Variants in RHOBTB1 observed in about 807,000 individuals in gnomAD.
RHOBTB1 encodes the protein rho-related BTB domain-containing protein 1.
Under a neutral mutation model 71.6 loss-of-function variants are expected in RHOBTB1, and 40 were observed. The ratio of observed to expected loss-of-function variants is 0.56; its 90% CI spans 0.43 to 0.73. The LOEUF is 0.73. Ranked by LOEUF, RHOBTB1 falls within the 30% of genes least tolerant of loss-of-function variation. RHOBTB1 has a pLI of 0.00. For missense variants in RHOBTB1, 797 were observed against 894.0 expected (o/e 0.89, Z 1.38); for synonymous variants, 319 against 334.9 (o/e 0.95, Z 0.52).
At chr10:60,919,672 A>C (rs1284708909) in intron 2 of RHOBTB1, among the ~76,000 whole-genome samples, 1 of 152,236 alleles carries the variant, frequency 6.6e-6, no homozygotes, top group Non-Finnish European at 1.5e-5. Context: ...AAGTAACAGA[A>C]AGGATGCTGC....
intron 4 of RHOBTB1, among the ~76,000 whole-genome samples, chr10:60,906,227 C>T (rs927538802): frequency 1.3e-5 from 2 of 152,140 alleles, no homozygotes; most frequent in African/African-American, 4.8e-5. Flanking sequence ...GCCAAGATTC[C>T]CATTCACTCT....
intron 1 of RHOBTB1, among the ~76,000 whole-genome samples, chr10:60,996,799 G>A (rs907543935): frequency 1.3e-5 from 2 of 152,054 alleles, no homozygotes; most frequent in Non-Finnish European, 2.9e-5. Flanking sequence ...AACATGATTT[G>A]TTGTGTATTT....
chr10:60,993,389 C>T (rs911648308), intron 1 of RHOBTB1, among the ~76,000 whole-genome samples: 127 of 152,166 alleles, frequency 8.3e-4, no homozygotes, highest in African/African-American at 2.7e-3. Flanking sequence ...TTCCTTATTA[C>T]AATACTCAAG....
chr10:60,983,329 A>C (rs910118476), intron 2 of RHOBTB1, among the ~76,000 whole-genome samples: 49 of 152,326 alleles, frequency 3.2e-4, no homozygotes, highest in African/African-American at 1.1e-3. Flanking sequence ...ATGAATAAAT[A>C]ACAATTAACT....
chr10:60,945,573 C>T (rs1176692909), upstream of RHOBTB1, among the ~76,000 whole-genome samples: 1 of 152,184 alleles, frequency 6.6e-6, no homozygotes. Context: ...AGCCAAGATT[C>T]CCAGGTGACT....
At chr10:60,923,782 AT>A (rs1366402174) in intron 2 of RHOBTB1, among the ~76,000 whole-genome samples, 2 of 152,142 alleles carry the variant, frequency 1.3e-5, no homozygotes, top group African/African-American at 4.8e-5. Context: ...TCAAGATCTG[AT>A]GTTTTTGTAA....
intron 6 of RHOBTB1, among the ~76,000 whole-genome samples, chr10:60,886,578 T>A (rs2081586802): frequency 6.6e-6 from 1 of 152,166 alleles, no homozygotes; most frequent in African/African-American, 2.4e-5. Flanking sequence ...TTGTTAACAT[T>A]TTGGCATGTT....
chr10:60,933,895 C>T (rs1452050231), intron 2 of RHOBTB1, among the ~76,000 whole-genome samples: 2 of 152,158 alleles, frequency 1.3e-5, no homozygotes, highest in South Asian at 2.1e-4. Context: ...TAAAAATTTA[C>T]AGAATAACAC....
intron 7 of RHOBTB1, among the ~76,000 whole-genome samples, chr10:60,878,498 C>G (rs768865768): frequency 1.3e-5 from 2 of 152,214 alleles, no homozygotes; most frequent in Non-Finnish European, 2.9e-5. Flanking sequence ...GGATGAGCAA[C>G]CACCCTAGCT....
intron 2 of RHOBTB1, among the ~76,000 whole-genome samples, chr10:60,953,402 C>T (rs1035634446): frequency 1.3e-5 from 2 of 152,134 alleles, no homozygotes; most frequent in African/African-American, 4.8e-5. Flanking sequence ...AGTTACATGG[C>T]ACCTGAAGAA....
chr10:60,904,106 G>T (rs890313731), intron 4 of RHOBTB1, among the ~76,000 whole-genome samples: 2 of 151,862 alleles, frequency 1.3e-5, no homozygotes, highest in East Asian at 3.9e-4. Context: ...ACAACACCTG[G>T]CTAATTTTTT....
intron 7 of RHOBTB1, among the ~76,000 whole-genome samples, chr10:60,878,668 G>T (rs2081164604): frequency 6.6e-6 from 1 of 152,210 alleles, no homozygotes; most frequent in South Asian, 2.1e-4. Context: ...GAATCCAAAG[G>T]ACTCCTTGCT....
chr10:60,882,210 A>T (rs980999076), intron 7 of RHOBTB1, among the ~76,000 whole-genome samples: 1 of 152,076 alleles, frequency 6.6e-6, no homozygotes, highest in Non-Finnish European at 1.5e-5. Flanking sequence ...TCTTAAAAAA[A>T]AAAAAAGAGT....
chr10:60,877,159 G>C (rs1439519669), intron 8 of RHOBTB1: 3 of 152,214 alleles, frequency 2.0e-5, no homozygotes, highest in Non-Finnish European at 4.4e-5. Context: ...ATGCAGACCT[G>C]CTTCAGCTTC....
intron 4 of RHOBTB1, among the ~76,000 whole-genome samples, chr10:60,905,460 A>AT (rs1258735087): frequency 1.7e-4 from 26 of 151,248 alleles, no homozygotes; most frequent in African/African-American, 6.1e-4. Flanking sequence ...AAAAAAAAAA[A>AT]AAAAAAAAAA....
intron 2 of RHOBTB1, among the ~76,000 whole-genome samples, chr10:60,932,861 G>A (rs2084341407): frequency 6.6e-6 from 1 of 152,164 alleles, no homozygotes; most frequent in Non-Finnish European, 1.5e-5. Flanking sequence ...ATGAAGAAAA[G>A]TCTCCACTAC....
At chr10:60,910,853 C>T in intron 4 of RHOBTB1, 34 bp downstream of exon 4, 1 of 1,520,886 alleles carries the variant, frequency 6.6e-7, no homozygotes, top group Non-Finnish European at 9.1e-7. Context: ...AAATTGCATT[C>T]AAGCTCAACC....
chr10:60,905,149 T>TAA (rs35575286), intron 4 of RHOBTB1, among the ~76,000 whole-genome samples: 1 of 139,996 alleles, frequency 7.1e-6, no homozygotes. Context: ...AGATAATACT[T>TAA]AAAAAAAAAA....
At chr10:60,891,333 GCTTT>G (rs1222898832) in intron 5 of RHOBTB1, among the ~76,000 whole-genome samples, 1 of 95,054 alleles carries the variant, frequency 1.1e-5, no homozygotes, top group African/African-American at 4.5e-5. Flanking sequence ...GTTGCTGTTT[GCTTT>G]TTTTTTTTTT....
Sources: gnomAD v4.1 joint callset for allele counts (sites outside exome capture counted in the v4.1 genomes callset) on GRCh38, gnomAD v4.1.1 for gene constraint, MANE v1.5 for transcripts, NCBI Gene and HGNC (gene_info 2026-07-23, HGNC 2026-07-21) for gene names.